The following WDFY1 variants were observed in gnomAD, a reference collection of about 807,000 sequenced individuals.
WDFY1 encodes WD repeat and FYVE domain containing 1.
WDFY1 carries 32 observed loss-of-function variants against 56.4 expected under a neutral mutation model. That is an observed-to-expected ratio of 0.57 (90% CI 0.43 to 0.76). The LOEUF (loss-of-function observed/expected upper bound fraction) is 0.76, where lower values mean the gene tolerates loss of function less well. Among genes scored for constraint, WDFY1 ranks in the 30% least tolerant of loss-of-function variants. WDFY1 has a pLI of 0.00. For missense variants in WDFY1, 480 were observed against 545.7 expected, an observed-to-expected ratio of 0.88 and a Z score of 1.20; for synonymous variants, 192 against 197.3, an observed-to-expected ratio of 0.97 and a Z score of 0.23.
chr2:223,936,075 TTTTG>T (rs1444281746), intron 1 of WDFY1, among the ~76,000 whole-genome samples: 125 of 59,844 alleles, frequency 2.1e-3, no homozygotes, highest in African/African-American at 4.6e-3. Flanking sequence ...TTTTTTTTTT[TTTTG>T]GGGACAGAGT....
chr2:223,878,772 C>T (rs1470303335), intron 11 of WDFY1, 42 bp from the exon 12 acceptor site: 1 of 1,613,058 alleles, frequency 6.2e-7, no homozygotes, highest in Non-Finnish European at 8.5e-7. Context: ...GCAGTGATAA[C>T]CAGGTCTAAC....
chr2:223,888,371 C>T (rs544704702), intron 8 of WDFY1, among the ~76,000 whole-genome samples: 1 of 151,316 alleles, frequency 6.6e-6, no homozygotes, highest in Admixed American at 6.6e-5. Context: ...CCCAGCTGTA[C>T]ATTTTCATCA....
chr2:223,926,232 T>C (rs1441309602), intron 1 of WDFY1, among the ~76,000 whole-genome samples: 3 of 152,240 alleles, frequency 2.0e-5, no homozygotes, highest in East Asian at 3.9e-4. Flanking sequence ...CTGCAACCTA[T>C]GCTTCCCAGG....
Position 223,901,266 on chromosome 2 carries a change from G to A in WDFY1, c.402C>T (p.His134=), listed in dbSNP as rs140841172. 72 of 1,614,110 alleles carry A rather than the reference G, an allele frequency of 4.5e-5. No individual in the cohort carries two copies. The African/African-American group carries it at 6.7e-4, about 15-fold the overall frequency. ...LATEWVISTG[H]DKCVSWMCTR... ...TGCACATCCAGCTCACACACTTGTC[G>A]TGGCCGGTACTGATCACCCACTCTG... The change falls in exon 5 of 12, where the codon CAC becomes CAT. Residue 134 remains histidine (H), a synonymous_variant. Coordinates refer to ENST00000233055, the MANE Select transcript of WDFY1 (RefSeq NM_020830.5).
chr2:223,944,505 G>C (rs1189897433), intron 1 of WDFY1, among the ~76,000 whole-genome samples: 1 of 151,394 alleles, frequency 6.6e-6, no homozygotes, highest in African/African-American at 2.4e-5. Context: ...CGGTGAGACA[G>C]AGTTCCCGCG....
rs1361900084 is a variant in WDFY1 at position 223,878,423 on chromosome 2, T to C, written c.*248A>G. 1 of 410,320 alleles carries C rather than the reference T, an allele frequency of 2.4e-6. No homozygotes were observed. Among genetic ancestry groups the C allele is most frequent in the Non-Finnish European group, 4.4e-6 (1 of 226,964 alleles). 25.4% of individuals were successfully genotyped at this position (410,320 alleles called of 1,614,324 possible). A position where few individuals can be genotyped will look rare whatever the true frequency, so the allele number is the denominator to read the frequency against. ...TCTTTCACTACACATTAGCTGTTCA[T>C]GGGGAAGTTTTGCTGAAGTAATTCC... On this transcript the variant is annotated 3_prime_UTR_variant, in exon 12 of 12. Transcript: ENST00000233055.
intron 6 of WDFY1, among the ~76,000 whole-genome samples, chr2:223,896,545 G>C (rs532395285): frequency 6.6e-6 from 1 of 152,058 alleles, no homozygotes; most frequent in African/African-American, 2.4e-5. Flanking sequence ...AAACCCTTGG[G>C]GAAATCTTTC....
chr2:223,906,066 G>T, intron 3 of WDFY1, 65 bp from the exon 4 acceptor site: 1 of 1,282,160 alleles, frequency 7.8e-7, no homozygotes, highest in Non-Finnish European at 1.1e-6. Context: ...ACAGAAACTT[G>T]ACTTTCAAAA....
At chr2:223,930,904 C>T (rs948789324) in intron 1 of WDFY1, among the ~76,000 whole-genome samples, 1 of 152,212 alleles carries the variant, frequency 6.6e-6, no homozygotes, top group Non-Finnish European at 1.5e-5. Flanking sequence ...CCACGGCTGG[C>T]CACAAGCATG....
intron 1 of WDFY1, among the ~76,000 whole-genome samples, chr2:223,935,303 A>G (rs777894750): frequency 4.6e-4 from 70 of 152,312 alleles, no homozygotes; most frequent in Non-Finnish European, 7.2e-4. Context: ...TTTGACGGTG[A>G]TCTGCTGTAG....
At chr2:223,883,698 T>C (rs913831162) in intron 9 of WDFY1, among the ~76,000 whole-genome samples, 1 of 152,180 alleles carries the variant, frequency 6.6e-6, no homozygotes, top group Non-Finnish European at 1.5e-5. Flanking sequence ...TAGGCTGGAG[T>C]GCAGTGGCGT....
At chr2:223,892,714 A>G (rs1693299069) in intron 8 of WDFY1, among the ~76,000 whole-genome samples, 1 of 152,242 alleles carries the variant, frequency 6.6e-6, no homozygotes, top group Non-Finnish European at 1.5e-5. Context: ...ACTGGTGGGA[A>G]TTCTGCATCA....
chr2:223,945,161 C>T lies in WDFY1; in HGVS notation c.124G>A (p.Ala42Thr). 6.3e-7 allele frequency: 1 copy of T among 1,595,464 alleles called. No homozygotes were observed. ...CCCGGGCCCTACCTGTCCTCGCTGG[C>T]CGTGATCACGCCGTCCTCCTTGGGG... The part of the protein sequence containing the change: ...LIPKEDGVIT[A>T]SEDRTIRVWL... Residue 42 changes from alanine to threonine, a missense_variant, in exon 1 of 12, where the codon GCC (alanine) becomes ACC (threonine). Physicochemically the swap from Ala to Thr is moderately conservative, Grantham distance 58. Coordinates refer to ENST00000233055, the MANE Select transcript of WDFY1 (RefSeq NM_020830.5).
rs945568197 is a variant in WDFY1 at position 223,876,701 on chromosome 2, G to A, written c.*1970C>T. 33 of 152,178 alleles carry A rather than the reference G, an allele frequency of 2.2e-4. No homozygotes were observed. The highest frequency in any genetic ancestry group is 7.5e-4 in the African/African-American group (31 of 41,454). 9.4% of individuals were successfully genotyped at this position (152,178 alleles called of 1,614,324 possible). The stretch of plus-strand genomic sequence containing the variant: ...AAGCTATGGAGTAAACTCAGCAGCT[G>A]TGATATTCCGTTCAATCTACCACAG... On this transcript the variant is annotated 3_prime_UTR_variant, in exon 12 of 12. Transcript: ENST00000233055.
intron 8 of WDFY1, among the ~76,000 whole-genome samples, chr2:223,890,765 A>G (rs937697758): frequency 6.6e-6 from 1 of 152,234 alleles, no homozygotes; most frequent in East Asian, 1.9e-4. Flanking sequence ...GTCACACTGC[A>G]CTAGTATATA....
chr2:223,904,347 G>A (rs970590730), intron 4 of WDFY1, among the ~76,000 whole-genome samples: 2 of 152,180 alleles, frequency 1.3e-5, no homozygotes, highest in African/African-American at 4.8e-5. Context: ...CGCCTCCCGG[G>A]TTCAAGCGAT....
intron 4 of WDFY1, 92 bp downstream of exon 4, chr2:223,905,855 G>T: frequency 1.1e-6 from 1 of 933,342 alleles, no homozygotes; most frequent in Non-Finnish European, 1.5e-6. Flanking sequence ...AAAAGTTAAT[G>T]TGAAAATCTA....
chr2:223,934,732 G>C, intron 1 of WDFY1, among the ~76,000 whole-genome samples: 1 of 152,074 alleles, frequency 6.6e-6, no homozygotes, highest in East Asian at 1.9e-4. Flanking sequence ...TGTTGGCCAG[G>C]CTGGTCTCCA....
rs1693326149 is a variant in WDFY1, at chr2:223,894,329, G to A, written c.736C>T (p.Gln246Ter). ...LLLQGHHDKV[Q>*]SLCYLQLTRQ... is the part of the protein sequence containing the mutation. Reference sequence around the variant, plus strand: ...GTGAGCTGAAGGTAGCACAGCGACTGCACCTTGTCACTGCAAACAGCACAC... The same window carrying A: ...GTGAGCTGAAGGTAGCACAGCGACTACACCTTGTCACTGCAAACAGCACAC... The change falls in exon 8 of 12, where the codon CAG becomes TAG. Residue 246 changes from glutamine (Q) to a stop codon, truncating the protein, a stop_gained. Transcript: ENST00000233055. LOFTEE classifies it high-confidence loss of function. 1.2e-6 allele frequency: 2 copies of A among 1,614,004 alleles called. No homozygotes were observed.
Sources: gnomAD v4.1 joint callset for allele counts (sites outside exome capture counted in the v4.1 genomes callset) on GRCh38, gnomAD v4.1.1 for gene constraint, MANE v1.5 for transcripts, NCBI Gene and HGNC (gene_info 2026-07-23, HGNC 2026-07-21) for gene names.